Variants in C10orf88 observed in about 807,000 individuals in gnomAD.
C10orf88 encodes the protein ATPase PAAT.
In C10orf88, 29 loss-of-function variants were observed where a neutral mutation model predicts 34.2. That is an observed-to-expected ratio of 0.85 (90% confidence interval 0.63 to 1.16). The LOEUF (loss-of-function observed/expected upper bound fraction) is 1.16. Ranked by LOEUF, C10orf88 falls within the 50% of genes most tolerant of loss-of-function variation. The pLI is 0.00. For synonymous variants in C10orf88, 194 were observed against 197.4 expected, an observed-to-expected ratio of 0.98 and a Z score of 0.15; for missense variants, 507 against 533.2, an observed-to-expected ratio of 0.95 and a Z score of 0.48.
chr10:122,944,622 G>A (rs969707688), intron 4 of C10orf88, among the ~76,000 whole-genome samples: 26 of 152,018 alleles, frequency 1.7e-4, no homozygotes, highest in Non-Finnish European at 3.7e-4. Context: ...CCCACCCTCT[G>A]GGATTGAGTA....
intron 3 of C10orf88, among the ~76,000 whole-genome samples, chr10:122,950,052 A>G (rs1848676717): frequency 6.6e-6 from 1 of 152,208 alleles, no homozygotes; most frequent in South Asian, 2.1e-4. Context: ...CTGAAACGAG[A>G]CATTTCATGT....
intron 5 of C10orf88, among the ~76,000 whole-genome samples, chr10:122,934,129 C>G (rs1196642652): frequency 6.6e-6 from 1 of 152,056 alleles, no homozygotes; most frequent in African/African-American, 2.4e-5. Context: ...TTCTCAGTGC[C>G]CTTTATCCAA....
chr10:122,948,131 A>G (rs1848656220), intron 4 of C10orf88, among the ~76,000 whole-genome samples: 1 of 152,206 alleles, frequency 6.6e-6, no homozygotes, highest in South Asian at 2.1e-4. Context: ...TTTTTGCTTC[A>G]GAGAAATGAA....
intron 3 of C10orf88, among the ~76,000 whole-genome samples, chr10:122,949,972 C>A (rs1848675945): frequency 6.6e-6 from 1 of 152,168 alleles, no homozygotes; most frequent in Admixed American, 6.5e-5. Flanking sequence ...TAGTAAAGAA[C>A]CAGCTTGAAA....
intron 4 of C10orf88, among the ~76,000 whole-genome samples, chr10:122,942,071 A>G (rs1162167513): frequency 6.6e-6 from 1 of 152,186 alleles, no homozygotes; most frequent in Non-Finnish European, 1.5e-5. Context: ...ATAAAAATTT[A>G]AAGACACAGC....
At chr10:122,946,139 A>G (rs1283578878) in intron 4 of C10orf88, among the ~76,000 whole-genome samples, 3 of 152,166 alleles carry the variant, frequency 2.0e-5, no homozygotes, top group Non-Finnish European at 4.4e-5. Context: ...AGCTTAATTT[A>G]TTATTGAAAA....
chr10:122,938,038 A>G lies in C10orf88; in HGVS notation c.770T>C (p.Phe257Ser). ...GTLNKSSSTP[F>S]PFRTGLTSGN... ...AGATGTCAATCCAGTTCTAAAAGGA[A>G]AAGGTGTGGAGGACGACTTGTTTAA... The change falls in exon 5 of 6, where the codon TTT (phenylalanine) becomes TCT (serine). Residue 257 changes from phenylalanine (F) to serine (S), a missense_variant. By Grantham distance (155) the Phe-to-Ser change is radical. Transcript: ENST00000481909. 6.2e-7 allele frequency: 1 copy of G among 1,613,362 alleles called. No individual in the cohort carries two copies. Among genetic ancestry groups the G allele is most frequent in the Non-Finnish European group, 8.5e-7 (1 of 1,179,508 alleles).
chr10:122,932,913 G>A (rs936614989), intron 5 of C10orf88, among the ~76,000 whole-genome samples: 3 of 152,112 alleles, frequency 2.0e-5, no homozygotes, highest in Non-Finnish European at 4.4e-5. Flanking sequence ...CCCTCAAAGA[G>A]CAAGTCTTTA....
intron 5 of C10orf88, among the ~76,000 whole-genome samples, chr10:122,935,989 T>A (rs540600439): frequency 4.6e-5 from 7 of 151,900 alleles, no homozygotes; most frequent in Non-Finnish European, 7.4e-5. Context: ...ACAGAATGAG[T>A]TGGAACATCT....
In C10orf88 at chr10:122,954,086, G is replaced by A. The variant is rs759591682; in HGVS notation, c.93C>T (p.Leu31=). The change falls in exon 1 of 6, where the codon CTC becomes CTT. Residue 31 remains leucine, a synonymous_variant. Coordinates refer to ENST00000481909, the MANE Select transcript of C10orf88 (RefSeq NM_024942.4). ...DVAGGALTHS[L]LLTRAGLGPG... The stretch of plus-strand genomic sequence containing the variant: ...GGCCGAGACCGGCCCGGGTGAGGAG[G>A]AGGCTGTGGGTCAGGGCCCCGCCTG... The A allele has an allele frequency of 5.1e-6, 8 of 1,572,578 alleles. No homozygotes were observed. The highest frequency in any genetic ancestry group is 6.0e-6 in the Non-Finnish European group (7 of 1,162,532).
Position 122,952,824 on chromosome 10 carries a change from C to T in C10orf88, c.368+5G>A. The T allele has an allele frequency of 6.2e-7, 1 of 1,613,988 alleles. No homozygotes were observed. The highest frequency in any genetic ancestry group is 1.1e-5 in the South Asian group (1 of 91,080). ...AGAACACTTTCCCGTGTACAAGTCA[C>T]ACACCTGTCATCCAGGACAGTACAA... On this transcript the variant is annotated splice_donor_5th_base_variant and intron_variant, in intron 2 of 5. Coordinates refer to ENST00000481909, the MANE Select transcript of C10orf88 (RefSeq NM_024942.4).
Position 122,948,828 on chromosome 10 carries a change from C to A in C10orf88, c.469G>T (p.Val157Leu). 6.2e-7 allele frequency: 1 copy of A among 1,613,086 alleles called. No homozygotes were observed. The highest frequency in any genetic ancestry group is 2.2e-5 in the East Asian group (1 of 44,866). The change falls in exon 4 of 6, where the codon GTG (valine) becomes TTG (leucine). Residue 157 changes from valine to leucine, a missense_variant. By Grantham distance (32) the Val-to-Leu change is conservative. Transcript: ENST00000481909. ...TGTACCACAACTTTACTGATGAACA[C>A]ACACTGCCTTTCGCCAAAGGAGAGC... ...KLLSFGERQC[V>L]FISKVVVHMR...
chr10:122,942,926 T>C (rs1409198796), intron 4 of C10orf88, among the ~76,000 whole-genome samples: 1 of 146,272 alleles, frequency 6.8e-6, no homozygotes, highest in African/African-American at 2.5e-5. Context: ...GAAGAATCAA[T>C]ATCGTGAAAA....
At position 122,932,277 on chromosome 10, in the gene C10orf88, G is replaced by C. The variant is rs879557179; in HGVS notation, c.*150C>G. The C allele has an allele frequency of 2.9e-4, 172 of 599,450 alleles. No individual in the cohort carries two copies. The highest frequency in any genetic ancestry group is 5.2e-4 in the Admixed American group (17 of 32,388). The allele number at this position is 599,450 out of a possible 1,614,324, so 37.1% of individuals were successfully genotyped here. A position where few individuals can be genotyped will look rare whatever the true frequency, so the allele number is the denominator to read the frequency against. Reference sequence around the variant, plus strand: ...TACAGTACTGGATTTAAAATAACAAGTGTAGTAAAAACGAAAACTGAGGTC... The same window carrying C: ...TACAGTACTGGATTTAAAATAACAACTGTAGTAAAAACGAAAACTGAGGTC... On this transcript the variant is annotated 3_prime_UTR_variant, in exon 6 of 6. Coordinates refer to ENST00000481909, the MANE Select transcript of C10orf88 (RefSeq NM_024942.4).
In C10orf88 at chr10:122,951,836, A is replaced by T. The variant is rs75488600; in HGVS notation, c.441+118T>A. 6.1e-4 allele frequency: 319 copies of T among 520,588 alleles called. 1 individual carries two copies. The highest frequency in any genetic ancestry group is 1.9e-4 in the Admixed American group (5 of 26,146). 32.2% of individuals were successfully genotyped at this position (520,588 alleles called of 1,614,324 possible). A position where few individuals can be genotyped will look rare whatever the true frequency, so the allele number is the denominator to read the frequency against. ...CAGAGCAAGATACTGTCTTGAAAAG[A>T]AAAAAAAAAGCAAGCAAGCAAGTTG... On this transcript the variant is annotated intron_variant, in intron 3 of 5. Coordinates refer to ENST00000481909, the MANE Select transcript of C10orf88 (RefSeq NM_024942.4).
chr10:122,938,226 T>C, intron 4 of C10orf88, 67 bp from the exon 5 acceptor site: 1 of 1,285,646 alleles, frequency 7.8e-7, no homozygotes, highest in South Asian at 1.4e-5. Flanking sequence ...GAGTAATTAC[T>C]ATGAGTCAGG....
intron 4 of C10orf88, among the ~76,000 whole-genome samples, chr10:122,941,135 T>G (rs1054957678): frequency 6.6e-6 from 1 of 151,738 alleles, no homozygotes; most frequent in Non-Finnish European, 1.5e-5. Context: ...AAAGCAAGAG[T>G]ATAACTCCTA....
chr10:122,938,098 A>G lies in C10orf88; in HGVS notation c.710T>C (p.Met237Thr). ...GGTAGATGAGGATTGTAGTCCAATC[A>G]TATGCTTGTATCCAGAATTGCCCAA... is the stretch of plus-strand genomic sequence containing the variant. ...SVLGNSGYKH[M>T]IGLQSSSTLG... Residue 237 changes from methionine (M) to threonine (T), a missense_variant, in exon 5 of 6, where the codon ATG becomes ACG. By Grantham distance (81) the Met-to-Thr change is moderately conservative. Transcript: ENST00000481909. The G allele has an allele frequency of 6.2e-7, 1 of 1,612,806 alleles. No homozygotes were observed. Among genetic ancestry groups the G allele is most frequent in the South Asian group, 1.1e-5 (1 of 90,998 alleles).
intron 5 of C10orf88, 41 bp downstream of exon 5, chr10:122,937,663 AC>A: frequency 6.8e-7 from 1 of 1,470,678 alleles, no homozygotes; most frequent in Non-Finnish European, 9.2e-7. Context: ...TGATTCTTCC[AC>A]CTACCAAATC....
Sources: allele counts gnomAD v4.1 joint callset (sites outside exome capture counted in the v4.1 genomes callset), GRCh38; gene constraint gnomAD v4.1.1; transcripts MANE v1.5; gene names NCBI Gene and HGNC (gene_info 2026-07-23, HGNC 2026-07-21).